Variants in RASEF observed in about 807,000 individuals in gnomAD.
RASEF encodes the protein ras and EF-hand domain-containing protein.
Under a neutral mutation model 90.1 loss-of-function variants are expected in RASEF, and 68 were observed. The observed-to-expected ratio is 0.75, with a 90% CI of 0.62 to 0.92. RASEF has a LOEUF of 0.92. Among genes scored for constraint, RASEF ranks in the 40% least tolerant of loss-of-function variants. The pLI, the probability that RASEF is intolerant of heterozygous loss-of-function variation, is 0.00. For missense variants in RASEF, 949 were observed against 937.2 expected (o/e 1.01, Z -0.16); for synonymous variants, 331 against 345.2 (o/e 0.96, Z 0.46).
At chr9:83,094,633 G>A in the RASEF span, among the ~76,000 whole-genome samples, 2 of 152,066 alleles carry the variant, frequency 1.3e-5, no homozygotes, top group East Asian at 1.9e-4. Flanking sequence ...ATCAAAGAGA[G>A]AACTCATTAG....
intron 1 of RASEF, among the ~76,000 whole-genome samples, chr9:83,058,412 G>T (rs1830141156): frequency 6.8e-6 from 1 of 147,738 alleles, no homozygotes; most frequent in Non-Finnish European, 1.5e-5. Context: ...TCCATCTCCT[G>T]ACCTCGTGAT....
the RASEF span, among the ~76,000 whole-genome samples, chr9:83,134,735 C>T: frequency 2.6e-5 from 4 of 152,048 alleles, no homozygotes; most frequent in Non-Finnish European, 5.9e-5. Context: ...TATCATATGA[C>T]CCAACAATTC....
chr9:83,131,359 T>G, the RASEF span, among the ~76,000 whole-genome samples: 376 of 152,250 alleles, frequency 2.5e-3, no homozygotes, highest in African/African-American at 8.7e-3. Flanking sequence ...TATTGTTGGA[T>G]TGAAAGGAAA....
At chr9:82,986,048 A>C (rs1367245819) in intron 16 of RASEF, among the ~76,000 whole-genome samples, 1 of 152,186 alleles carries the variant, frequency 6.6e-6, no homozygotes, top group African/African-American at 2.4e-5. Context: ...TACCAGGTAG[A>C]GATGGTTCCA....
At position 83,062,343 on chromosome 9, in the gene RASEF, G is replaced by T. The variant is rs571650211; in HGVS notation, c.431+94C>A. The T allele has an allele frequency of 8.7e-5, 104 of 1,197,296 alleles. 1 individual carries two copies. The highest frequency in any genetic ancestry group is 3.8e-4 in the Middle Eastern group (2 of 5,204). 74.2% of individuals were successfully genotyped at this position (1,197,296 alleles called of 1,614,324 possible). ...AAGCAACTCACAGAGAAGACTAGGG[G>T]GGGGGGCCATTGGGTCTGCACACCT... On this transcript the variant is annotated intron_variant, in intron 1 of 16. Transcript: ENST00000376447.
the RASEF span, among the ~76,000 whole-genome samples, chr9:83,101,586 G>A: frequency 2.0e-5 from 3 of 152,200 alleles, no homozygotes; most frequent in Non-Finnish European, 2.9e-5. Flanking sequence ...AAGGTGAAAA[G>A]AGTGTGTAAA....
the RASEF span, among the ~76,000 whole-genome samples, chr9:83,151,752 AAAGT>A: frequency 6.6e-6 from 1 of 152,206 alleles, no homozygotes. Context: ...GAGATACTGA[AAAGT>A]AACACAAAGG....
At chr9:83,007,339 T>C in intron 7 of RASEF, 98 bp downstream of exon 7, 3 of 952,826 alleles carry the variant, frequency 3.1e-6, no homozygotes, top group South Asian at 2.7e-5. Context: ...AAACCCAGTG[T>C]TCAGAACATG....
the RASEF span, among the ~76,000 whole-genome samples, chr9:83,087,405 T>TTGTCTC: frequency 2.6e-5 from 3 of 115,606 alleles, no homozygotes; most frequent in South Asian, 3.6e-4. Flanking sequence ...TTCTCATTCA[T>TTGTCTC]TCTCTCTCTC....
At chr9:83,177,163 A>G in the RASEF span, among the ~76,000 whole-genome samples, 1 of 152,150 alleles carries the variant, frequency 6.6e-6, no homozygotes, top group African/African-American at 2.4e-5. Context: ...ATAAATGTGC[A>G]TTCCCATTGT....
the RASEF span, among the ~76,000 whole-genome samples, chr9:83,084,024 T>G: frequency 6.6e-6 from 1 of 152,084 alleles, no homozygotes; most frequent in Non-Finnish European, 1.5e-5. Context: ...TATTTTATAT[T>G]CATATAATGG....
chr9:83,186,267 A>AT, the RASEF span, among the ~76,000 whole-genome samples: 1 of 152,174 alleles, frequency 6.6e-6, no homozygotes, highest in Non-Finnish European at 1.5e-5. Flanking sequence ...GGAGTAAGCT[A>AT]TTTAAAAAAG....
the RASEF span, among the ~76,000 whole-genome samples, chr9:83,167,547 C>T: frequency 5.9e-5 from 9 of 152,098 alleles, no homozygotes; most frequent in Non-Finnish European, 8.8e-5. Flanking sequence ...ATATAACTCA[C>T]TCATTAAATG....
the RASEF span, among the ~76,000 whole-genome samples, chr9:83,197,096 C>G: frequency 6.6e-6 from 1 of 152,252 alleles, no homozygotes; most frequent in Non-Finnish European, 1.5e-5. Context: ...AGGCTATGCT[C>G]TCACCAGGAG....
chr9:83,009,437 C>A (rs763470232), intron 6 of RASEF, among the ~76,000 whole-genome samples: 43 of 152,250 alleles, frequency 2.8e-4, no homozygotes, highest in Non-Finnish European at 4.7e-4. Flanking sequence ...CTAGCCAAAA[C>A]AGACAATAAT....
the RASEF span, among the ~76,000 whole-genome samples, chr9:83,173,733 G>A: frequency 6.6e-6 from 1 of 151,802 alleles, no homozygotes; most frequent in Non-Finnish European, 1.5e-5. Context: ...TGCAGGATTT[G>A]TTACTGGTGC....
At chr9:83,017,373 G>A (rs867352714) in intron 3 of RASEF, among the ~76,000 whole-genome samples, 10 of 151,222 alleles carry the variant, frequency 6.6e-5, no homozygotes, top group African/African-American at 1.9e-4. Flanking sequence ...GGTGGCAGGC[G>A]CCTGTTGTCC....
rs1828608525 is a variant in RASEF, at chr9:82,981,763, C to T, written c.*914G>A. On this transcript the variant is annotated 3_prime_UTR_variant, in exon 17 of 17. Transcript: ENST00000376447. Reference sequence around the variant, plus strand: ...CCACATACCTATTAGCAGTCACTCCCCATCCTCCCTTTCTCAGCCCCTGGC... The same window carrying T: ...CCACATACCTATTAGCAGTCACTCCTCATCCTCCCTTTCTCAGCCCCTGGC... 6.6e-6 allele frequency: 1 copy of T among 152,184 alleles called. No individual in the cohort carries two copies. The highest frequency in any genetic ancestry group is 1.5e-5 in the Non-Finnish European group (1 of 68,072). 9.4% of individuals were successfully genotyped at this position (152,184 alleles called of 1,614,324 possible). A position where few individuals can be genotyped will look rare whatever the true frequency, so the allele number is the denominator to read the frequency against.
chr9:83,151,159 G>A, the RASEF span, among the ~76,000 whole-genome samples: 13 of 151,642 alleles, frequency 8.6e-5, no homozygotes, highest in South Asian at 2.1e-4. Context: ...AATTGCCAGC[G>A]CATAATGATA....
Sources: allele counts gnomAD v4.1 joint callset (sites outside exome capture counted in the v4.1 genomes callset), GRCh38; gene constraint gnomAD v4.1.1; transcripts MANE v1.5; gene names NCBI Gene and HGNC (gene_info 2026-07-23, HGNC 2026-07-21).